Variants in TSPAN2 observed in about 807,000 individuals in gnomAD.
TSPAN2 encodes tetraspanin 2, also known as tetraspanin-2.
A neutral mutation model predicts 33.3 loss-of-function variants in TSPAN2; 24 were observed. That is an observed-to-expected ratio of 0.72 (90% CI 0.52 to 1.01). The LOEUF is 1.01. Among genes scored for constraint, TSPAN2 ranks in the 50% least tolerant of loss-of-function variants. TSPAN2 has a pLI of 0.00. For missense variants in TSPAN2, 278 were observed against 281.3 expected, an observed-to-expected ratio of 0.99 and a Z score of 0.08; for synonymous variants, 114 against 104.5, an observed-to-expected ratio of 1.09 and a Z score of -0.56.
rs769248471 is a variant in TSPAN2, at chr1:115,060,470, C to T, written c.339G>A (p.Lys113=). 2 of 1,612,338 alleles carry T rather than the reference C, an allele frequency of 1.2e-6. No homozygotes were observed. Among genetic ancestry groups the T allele is most frequent in the Admixed American group, 1.7e-5 (1 of 59,890 alleles). The change falls in exon 4 of 8, where the codon AAG becomes AAA. Residue 113 remains lysine, a synonymous_variant. Coordinates refer to ENST00000369516, the MANE Select transcript of TSPAN2 (RefSeq NM_005725.6). ...VTTGVFAFIG[K]GVAIRHVQTM... ...TATAAGTAATTTTACTTACTACCCC[C>T]TTGCCTATAAAAGCAAATACTCCAG...
chr1:115,056,640 C>T (rs927357278), intron 6 of TSPAN2, among the ~76,000 whole-genome samples: 2 of 152,212 alleles, frequency 1.3e-5, no homozygotes, highest in Non-Finnish European at 2.9e-5. Context: ...CCCCCAGCCT[C>T]TCGCCTCTCC....
intron 6 of TSPAN2, among the ~76,000 whole-genome samples, chr1:115,056,704 T>G (rs1647443374): frequency 6.6e-6 from 1 of 152,222 alleles, no homozygotes; most frequent in Non-Finnish European, 1.5e-5. Flanking sequence ...CATGCATTCC[T>G]AATCACTGGA....
In TSPAN2 at chr1:115,050,528, G is replaced by A. The variant is rs774240679; in HGVS notation, c.628C>T (p.Leu210Phe). 6 of 1,613,808 alleles carry A rather than the reference G, an allele frequency of 3.7e-6. No homozygotes were observed. The Admixed American group carries it at 1.0e-4, about 27-fold the overall frequency. ...TIFGMIFSMV[L>F]CCAIRNSRDV... ...CGTGAGTTTCGTATCGCACAGCAGA[G>A]GACCATGCTGAATATCATGCCAAAG... is the stretch of plus-strand genomic sequence containing the variant. Residue 210 changes from leucine (L) to phenylalanine (F), a missense_variant, in exon 8 of 8, where the codon CTC (leucine) becomes TTC (phenylalanine). By Grantham distance (22) the Leu-to-Phe change is conservative. Transcript: ENST00000369516.
At position 115,048,846 on chromosome 1, in the gene TSPAN2, C is replaced by A. The variant is rs1675232263; in HGVS notation, c.*1644G>T. On this transcript the variant is annotated 3_prime_UTR_variant, in exon 8 of 8. Transcript: ENST00000369516. ...AGTTTTTAGCTTGCCTCAAATATGACCTTTGTTCTTCTAGAAAAATTTCCT... is the reference window on the plus strand; with the variant it reads ...AGTTTTTAGCTTGCCTCAAATATGAACTTTGTTCTTCTAGAAAAATTTCCT... The A allele has an allele frequency of 6.6e-6, 1 of 152,132 alleles. No individual in the cohort carries two copies. Among genetic ancestry groups the A allele is most frequent in the Admixed American group, 6.5e-5 (1 of 15,288 alleles). 9.4% of individuals were successfully genotyped at this position (152,132 alleles called of 1,614,324 possible). A position where few individuals can be genotyped will look rare whatever the true frequency, so the allele number is the denominator to read the frequency against.
At position 115,072,110 on chromosome 1, in the gene TSPAN2, G is replaced by A. The variant is rs1488675994; in HGVS notation, c.172+795C>T. Among the ~76,000 whole-genome samples the A allele has an allele frequency of 3.9e-5, 6 of 152,124 alleles. No individual in the cohort carries two copies. In the East Asian group the frequency reaches 1.2e-3, roughly 29 times the overall value. On this transcript the variant is annotated intron_variant, in intron 2 of 7. Coordinates refer to ENST00000369516, the MANE Select transcript of TSPAN2 (RefSeq NM_005725.6). ...TCTAGAGTCTTAGTCCACTTAGCTGGGGAATGAGGAAAGGTCACAGGAAAT... is the reference window on the plus strand; with the variant it reads ...TCTAGAGTCTTAGTCCACTTAGCTGAGGAATGAGGAAAGGTCACAGGAAAT...
At chr1:115,060,746 C>T (rs1647685722) in intron 3 of TSPAN2, among the ~76,000 whole-genome samples, 1 of 152,110 alleles carries the variant, frequency 6.6e-6, no homozygotes, top group African/African-American at 2.4e-5. Context: ...AGATAATATC[C>T]AAATGTCTCT....
At chr1:115,089,318 C>T (rs924079799) in intron 1 of TSPAN2, 46 bp downstream of exon 1, 3 of 1,456,240 alleles carry the variant, frequency 2.1e-6, no homozygotes, top group African/African-American at 1.4e-5. Context: ...CCGCGCCCGC[C>T]ACCCGGCCCC....
chr1:115,072,346 C>T (rs188520560), intron 2 of TSPAN2, among the ~76,000 whole-genome samples: 1 of 152,248 alleles, frequency 6.6e-6, no homozygotes, highest in Non-Finnish European at 1.5e-5. Flanking sequence ...TCATTCTTCT[C>T]TCTCCTCCCC....
chr1:115,058,915 C>T lies in TSPAN2; in HGVS notation c.412G>A (p.Gly138Ser), dbSNP rs1647546949. ...YNDYLKDRGK[G>S]NGTLITFHST... The stretch of plus-strand genomic sequence containing the variant: ...TGGAAGGTGATGAGTGTCCCATTGC[C>T]TTTTCCCCTGTCTTTAAGGTAATCA... Residue 138 changes from glycine to serine, a missense_variant, in exon 5 of 8, where the codon GGC becomes AGC. Transcript: ENST00000369516. 2 of 1,613,840 alleles carry T rather than the reference C, an allele frequency of 1.2e-6. No homozygotes were observed. The highest frequency in any genetic ancestry group is 1.1e-5 in the South Asian group (1 of 91,092).
intron 5 of TSPAN2, among the ~76,000 whole-genome samples, chr1:115,058,677 C>T (rs1414327774): frequency 6.6e-6 from 1 of 152,206 alleles, no homozygotes; most frequent in Admixed American, 6.5e-5. Flanking sequence ...TCTTCTGTCT[C>T]TCTTGTGAAC....
chr1:115,062,245 G>C lies in TSPAN2; in HGVS notation c.173-13C>G. Reference sequence around the variant, plus strand: ...AGAACATACAGCCCTGTGGGGAAGAGGTCAGAGGAGACCACTGAGAGCCAA... The same window carrying C: ...AGAACATACAGCCCTGTGGGGAAGACGTCAGAGGAGACCACTGAGAGCCAA... On this transcript the variant is annotated splice_polypyrimidine_tract_variant and intron_variant, in intron 2 of 7. Transcript: ENST00000369516. The C allele has an allele frequency of 6.4e-7, 1 of 1,570,320 alleles. No individual in the cohort carries two copies. Among genetic ancestry groups the C allele is most frequent in the Non-Finnish European group, 8.6e-7 (1 of 1,156,802 alleles).
At chr1:115,056,327 C>T (rs1408574033) in intron 6 of TSPAN2, among the ~76,000 whole-genome samples, 4 of 152,130 alleles carry the variant, frequency 2.6e-5, no homozygotes, top group Admixed American at 1.3e-4. Flanking sequence ...TGAAAGGATG[C>T]TCTCTCTCCT....
intron 3 of TSPAN2, among the ~76,000 whole-genome samples, chr1:115,061,366 T>G (rs1210341207): frequency 6.6e-6 from 1 of 152,228 alleles, no homozygotes; most frequent in Admixed American, 6.5e-5. Flanking sequence ...ATAGAATGTA[T>G]AGCAGTTAAT....
chr1:115,075,582 A>G (rs1330774769), intron 1 of TSPAN2, among the ~76,000 whole-genome samples: 1 of 152,210 alleles, frequency 6.6e-6, no homozygotes, highest in Admixed American at 6.5e-5. Context: ...CTTGAAAAAA[A>G]TTCACACCAG....
At chr1:115,055,360 T>A (rs1647357801) in intron 6 of TSPAN2, among the ~76,000 whole-genome samples, 1 of 151,884 alleles carries the variant, frequency 6.6e-6, no homozygotes, top group Non-Finnish European at 1.5e-5. Flanking sequence ...ATGTCTGTAT[T>A]CTCACCATAA....
chr1:115,058,529 G>A, intron 5 of TSPAN2: 1 of 264,868 alleles, frequency 3.8e-6, no homozygotes. Context: ...TAGCTTTTCT[G>A]ACTTACAGGT....
Position 115,050,475 on chromosome 1 carries a change from C to T in TSPAN2, c.*15G>A. ...TATGAAAGCTTTAGATTGCAATTTT[C>T]ATGTAGAAGTAGCTTCATATCACAT... On this transcript the variant is annotated 3_prime_UTR_variant, in exon 8 of 8. Coordinates refer to ENST00000369516, the MANE Select transcript of TSPAN2 (RefSeq NM_005725.6). The T allele has an allele frequency of 6.2e-7, 1 of 1,612,998 alleles. No homozygotes were observed. The highest frequency in any genetic ancestry group is 8.5e-7 in the Non-Finnish European group (1 of 1,179,042).
chr1:115,061,483 A>G (rs777669958), intron 3 of TSPAN2, among the ~76,000 whole-genome samples: 1 of 152,232 alleles, frequency 6.6e-6, no homozygotes, highest in South Asian at 2.1e-4. Context: ...TTCCTTGTAG[A>G]TAACAGCACT....
chr1:115,087,536 C>T (rs1466850704), intron 1 of TSPAN2, among the ~76,000 whole-genome samples: 1 of 146,300 alleles, frequency 6.8e-6, no homozygotes, highest in Admixed American at 7.0e-5. Flanking sequence ...GAATGGCGTG[C>T]ATCTGGGAGG....
Sources: allele counts gnomAD v4.1 joint callset (sites outside exome capture counted in the v4.1 genomes callset), GRCh38; gene constraint gnomAD v4.1.1; transcripts MANE v1.5; gene names NCBI Gene and HGNC (gene_info 2026-07-23, HGNC 2026-07-21).